Variants in NRXN3 observed in about 807,000 individuals in gnomAD.
NRXN3 encodes the protein neurexin 3.
NRXN3 carries 32 observed loss-of-function variants against 137.6 expected under a neutral mutation model. The ratio of observed to expected loss-of-function variants is 0.23; its 90% CI spans 0.18 to 0.31. NRXN3 has a LOEUF of 0.31. Ranked by LOEUF, NRXN3 falls within the 10% of genes least tolerant of loss-of-function variation. The pLI is 1.00. For missense variants in NRXN3, 1,574 were observed against 2,062.5 expected (o/e 0.76, Z 4.59); for synonymous variants, 798 against 784.5 (o/e 1.02, Z -0.29).
intron 19 of NRXN3, among the ~76,000 whole-genome samples, chr14:79,782,676 A>G (rs2099117530): frequency 6.6e-6 from 1 of 152,216 alleles, no homozygotes; most frequent in Non-Finnish European, 1.5e-5. Context: ...TCTGGAAACC[A>G]CAGTCTCCAA....
intron 3 of NRXN3, among the ~76,000 whole-genome samples, chr14:78,293,621 G>A (rs1171710381): frequency 6.6e-6 from 1 of 151,994 alleles, no homozygotes; most frequent in Non-Finnish European, 1.5e-5. Flanking sequence ...ACTGAACTCT[G>A]TGCCTCCGTC....
chr14:79,022,351 T>A (rs1157066027), intron 15 of NRXN3, among the ~76,000 whole-genome samples: 3 of 152,188 alleles, frequency 2.0e-5, no homozygotes, highest in Admixed American at 1.3e-4. Context: ...TTCTTTTTTT[T>A]AAATTGGTCT....
chr14:79,740,168 A>C (rs2098956086), intron 19 of NRXN3, among the ~76,000 whole-genome samples: 1 of 152,106 alleles, frequency 6.6e-6, no homozygotes, highest in Admixed American at 6.5e-5. Context: ...CTTTATATTC[A>C]GTCAACTGAC....
intron 15 of NRXN3, chr14:79,280,859 T>A (rs953665600): frequency 6.5e-6 from 2 of 309,274 alleles, no homozygotes; most frequent in Non-Finnish European, 1.2e-5. Flanking sequence ...ACAGGCAACT[T>A]ATCAGGTGAG....
At chr14:79,622,152 C>A (rs1030665368) in intron 16 of NRXN3, among the ~76,000 whole-genome samples, 1 of 152,128 alleles carries the variant, frequency 6.6e-6, no homozygotes, top group Non-Finnish European at 1.5e-5. Context: ...TGGTTTAGCT[C>A]ATAGTCCATG....
intron 3 of NRXN3, among the ~76,000 whole-genome samples, chr14:78,296,350 G>T (rs2076335303): frequency 6.6e-6 from 1 of 152,112 alleles, no homozygotes; most frequent in African/African-American, 2.4e-5. Flanking sequence ...ACAGGTGTGA[G>T]CCACTCTTGT....
intron 16 of NRXN3, among the ~76,000 whole-genome samples, chr14:79,607,181 T>C (rs1019723964): frequency 3.9e-5 from 6 of 152,214 alleles, no homozygotes; most frequent in South Asian, 2.1e-4. Context: ...ATGGACACAA[T>C]AGAATTTAGA....
chr14:79,084,392 C>G (rs1000835107), intron 15 of NRXN3, among the ~76,000 whole-genome samples: 2 of 152,110 alleles, frequency 1.3e-5, no homozygotes, highest in African/African-American at 4.8e-5. Context: ...CAGTAGTCAA[C>G]TCTAAGCCAA....
At chr14:79,377,269 G>C (rs2094330330) in intron 15 of NRXN3, among the ~76,000 whole-genome samples, 1 of 152,184 alleles carries the variant, frequency 6.6e-6, no homozygotes, top group East Asian at 1.9e-4. Flanking sequence ...ATTGAGCTCA[G>C]CTTTTCATTA....
chr14:79,177,068 GT>G (rs2062418403), intron 15 of NRXN3, among the ~76,000 whole-genome samples: 1 of 152,182 alleles, frequency 6.6e-6, no homozygotes, highest in African/African-American at 2.4e-5. Flanking sequence ...TTTAAGAGTT[GT>G]ATAGGATAAG....
intron 15 of NRXN3, among the ~76,000 whole-genome samples, chr14:79,464,531 G>T (rs1410436966): frequency 6.6e-6 from 1 of 152,098 alleles, no homozygotes; most frequent in Non-Finnish European, 1.5e-5. Flanking sequence ...TAGGATTGTG[G>T]ATGAAAACTA....
chr14:79,134,294 G>A (rs150565076), intron 15 of NRXN3, among the ~76,000 whole-genome samples: 137 of 152,294 alleles, frequency 9.0e-4, no homozygotes, highest in African/African-American at 3.1e-3. Flanking sequence ...TTTCCCTATA[G>A]TCTGCCTTTC....
intron 2 of NRXN3, among the ~76,000 whole-genome samples, chr14:78,260,231 A>G (rs570608166): frequency 6.6e-6 from 1 of 152,162 alleles, no homozygotes; most frequent in Non-Finnish European, 1.5e-5. Flanking sequence ...AGTGGTCTCT[A>G]TGGGTTTATT....
chr14:78,714,546 G>C (rs755492998), intron 7 of NRXN3, among the ~76,000 whole-genome samples: 1 of 152,178 alleles, frequency 6.6e-6, no homozygotes, highest in Non-Finnish European at 1.5e-5. Context: ...ATTTTTCTGG[G>C]TCTTCCTAAG....
chr14:79,187,085 C>T (rs983704145), intron 15 of NRXN3, among the ~76,000 whole-genome samples: 1 of 152,186 alleles, frequency 6.6e-6, no homozygotes, highest in African/African-American at 2.4e-5. Context: ...CCATGGGCTT[C>T]GTTCACCTAG....
At chr14:78,416,636 G>A (rs1431550885) in intron 4 of NRXN3, among the ~76,000 whole-genome samples, 1 of 152,186 alleles carries the variant, frequency 6.6e-6, no homozygotes, top group African/African-American at 2.4e-5. Context: ...GTATTTTATT[G>A]CAGAATTGCG....
intron 1 of NRXN3, among the ~76,000 whole-genome samples, chr14:78,194,831 C>T (rs1037109253): frequency 6.6e-6 from 1 of 152,212 alleles, no homozygotes; most frequent in African/African-American, 2.4e-5. Context: ...CTCAGGGGCC[C>T]AGCCAGCAAT....
intron 6 of NRXN3, among the ~76,000 whole-genome samples, chr14:78,707,101 T>G (rs1038352718): frequency 7.9e-5 from 12 of 152,208 alleles, no homozygotes; most frequent in African/African-American, 2.9e-4. Flanking sequence ...TTTTGTGCCC[T>G]TATGATATTG....
At chr14:79,761,683 T>TC (rs2099039236) in intron 19 of NRXN3, among the ~76,000 whole-genome samples, 1 of 50,208 alleles carries the variant, frequency 2.0e-5, no homozygotes, top group Non-Finnish European at 3.1e-5. Flanking sequence ...AGACTCTGTC[T>TC]CAAAAAAAAA....
Sources: allele counts gnomAD v4.1 joint callset (sites outside exome capture counted in the v4.1 genomes callset), GRCh38; gene constraint gnomAD v4.1.1; transcripts MANE v1.5; gene names NCBI Gene and HGNC (gene_info 2026-07-23, HGNC 2026-07-21).